Variants in LRRTM4 observed in about 807,000 individuals in gnomAD.
The protein encoded by LRRTM4 is leucine-rich repeat transmembrane neuronal protein 4.
A neutral mutation model predicts 47.6 loss-of-function variants in LRRTM4; 25 were observed. The ratio of observed to expected loss-of-function variants is 0.53; its 90% CI spans 0.38 to 0.73. LRRTM4 has a LOEUF of 0.73. LRRTM4 is among the 30% of genes least tolerant of loss of function. The probability of loss-of-function intolerance (pLI) is 0.00; values close to 1 mark genes in which losing one functional copy is unlikely to be tolerated. For synonymous variants in LRRTM4, 311 were observed against 269.5 expected, an observed-to-expected ratio of 1.15 and a Z score of -1.51; for missense variants, 638 against 713.4, an observed-to-expected ratio of 0.89 and a Z score of 1.20.
chr2:76,832,349 A>G (rs1671377773), intron 3 of LRRTM4, among the ~76,000 whole-genome samples: 1 of 151,926 alleles, frequency 6.6e-6, no homozygotes. Context: ...ACATACACAC[A>G]GACACATAAA....
At chr2:77,151,648 A>G (rs965027322) in intron 3 of LRRTM4, among the ~76,000 whole-genome samples, 5 of 152,218 alleles carry the variant, frequency 3.3e-5, no homozygotes, top group African/African-American at 9.6e-5. Context: ...CACAGAGAAC[A>G]TTAAACTAAA....
At chr2:77,093,632 G>A (rs182827279) in intron 3 of LRRTM4, among the ~76,000 whole-genome samples, 3,099 of 151,822 alleles carry the variant, frequency 0.02, 148 homozygotes, top group African/African-American at 0.071. Flanking sequence ...ACACTATTTT[G>A]TTTTATTTTT....
rs1325665356 is a variant in LRRTM4, at chr2:77,171,956, T to A, written c.1551+346362A>T. Among the ~76,000 whole-genome samples the A allele has an allele frequency of 5.9e-5, 9 of 152,276 alleles. No individual in the cohort carries two copies. In the East Asian group the frequency reaches 1.7e-3, roughly 30 times the overall value. On this transcript the variant is annotated intron_variant, in intron 3 of 3. Coordinates refer to ENST00000409884, the MANE Select transcript of LRRTM4 (RefSeq NM_001134745.3). Reference sequence around the variant, plus strand: ...CAGAGGAGTCACAGTTATACATGAATGAATCATATGTACTCACATAGTAGC... The same window carrying A: ...CAGAGGAGTCACAGTTATACATGAAAGAATCATATGTACTCACATAGTAGC...
chr2:77,419,216 C>T (rs1283911276), intron 3 of LRRTM4, among the ~76,000 whole-genome samples: 1 of 152,120 alleles, frequency 6.6e-6, no homozygotes, highest in Non-Finnish European at 1.5e-5. Flanking sequence ...ATTACAAACA[C>T]TTGAGGCCAA....
At chr2:76,839,265 T>C (rs1277691027) in intron 3 of LRRTM4, among the ~76,000 whole-genome samples, 2 of 152,098 alleles carry the variant, frequency 1.3e-5, no homozygotes, top group Non-Finnish European at 2.9e-5. Context: ...TGACAATTTC[T>C]GAAAGGGAAG....
intron 3 of LRRTM4, among the ~76,000 whole-genome samples, chr2:76,952,790 T>C (rs897888150): frequency 2.6e-5 from 4 of 151,326 alleles, no homozygotes; most frequent in African/African-American, 9.7e-5. Context: ...GGTACCAATC[T>C]CGATGTCCGC....
At chr2:77,091,057 C>A in intron 3 of LRRTM4, among the ~76,000 whole-genome samples, 1 of 152,222 alleles carries the variant, frequency 6.6e-6, no homozygotes, top group East Asian at 1.9e-4. Flanking sequence ...AACTCCCCAA[C>A]TCTGGTGCCA....
intron 3 of LRRTM4, among the ~76,000 whole-genome samples, chr2:76,888,138 G>A (rs1030305159): frequency 2.0e-5 from 3 of 150,224 alleles, no homozygotes; most frequent in African/African-American, 7.3e-5. Context: ...GTGTATATAT[G>A]TATTACCTAT....
intron 3 of LRRTM4, among the ~76,000 whole-genome samples, chr2:77,122,196 T>C (rs1364642726): frequency 6.6e-6 from 1 of 151,688 alleles, no homozygotes; most frequent in Non-Finnish European, 1.5e-5. Context: ...TGAGTAAAAT[T>C]ATTAAATTGA....
At chr2:77,467,192 T>A (rs1677014093) in intron 3 of LRRTM4, among the ~76,000 whole-genome samples, 1 of 152,120 alleles carries the variant, frequency 6.6e-6, no homozygotes, top group African/African-American at 2.4e-5. Flanking sequence ...ATGTGTCTCA[T>A]CCACAGCTCT....
intron 3 of LRRTM4, among the ~76,000 whole-genome samples, chr2:77,333,496 C>T (rs369199290): frequency 6.6e-6 from 1 of 152,146 alleles, no homozygotes; most frequent in Non-Finnish European, 1.5e-5. Context: ...TATGTTTTAG[C>T]AAAGAGACTG....
intron 3 of LRRTM4, among the ~76,000 whole-genome samples, chr2:77,139,319 C>T (rs542901893): frequency 6.6e-6 from 1 of 152,256 alleles, no homozygotes; most frequent in South Asian, 2.1e-4. Flanking sequence ...GCTGGTTCAA[C>T]ATACGAAAAT....
At chr2:77,233,476 CTT>C (rs1675021391) in intron 3 of LRRTM4, among the ~76,000 whole-genome samples, 1 of 151,978 alleles carries the variant, frequency 6.6e-6, no homozygotes, top group African/African-American at 2.4e-5. Context: ...TGGAATTACA[CTT>C]TTATGTATGT....
chr2:77,196,093 A>C (rs536449872), intron 3 of LRRTM4, among the ~76,000 whole-genome samples: 1 of 152,326 alleles, frequency 6.6e-6, no homozygotes, highest in African/African-American at 2.4e-5. Context: ...TTAGTACATT[A>C]GAAATAATGG....
intron 3 of LRRTM4, among the ~76,000 whole-genome samples, chr2:76,937,361 C>T (rs953993614): frequency 7.9e-5 from 12 of 152,114 alleles, no homozygotes; most frequent in Non-Finnish European, 1.5e-4. Flanking sequence ...TACTGGAAGG[C>T]AGGACTTTGA....
intron 3 of LRRTM4, among the ~76,000 whole-genome samples, chr2:76,896,046 T>C (rs1206812646): frequency 1.3e-5 from 2 of 152,072 alleles, no homozygotes; most frequent in Non-Finnish European, 2.9e-5. Context: ...GTCTATGTCC[T>C]TGGAAAAACA....
At chr2:76,984,434 A>C (rs1676724322) in intron 3 of LRRTM4, among the ~76,000 whole-genome samples, 1 of 151,998 alleles carries the variant, frequency 6.6e-6, no homozygotes, top group African/African-American at 2.4e-5. Context: ...TGCATGTTTT[A>C]GTTGTTCTAC....
In LRRTM4 at chr2:77,459,660, T is replaced by A. The variant is rs534690982; in HGVS notation, c.1551+58658A>T. ...TAATGTCAAGCCCAGGTGAAGCCCC[T>A]GTGAAATAACTTTCAGTAAAACAAG... On this transcript the variant is annotated intron_variant, in intron 3 of 3. Transcript: ENST00000409884. Among the ~76,000 whole-genome samples the A allele has an allele frequency of 8.0e-4, 121 of 151,974 alleles. 2 individuals carry two copies. In the South Asian group the frequency reaches 0.011, roughly 14 times the overall value.
intron 3 of LRRTM4, among the ~76,000 whole-genome samples, chr2:77,235,767 AG>A (rs1277077215): frequency 6.6e-6 from 1 of 152,154 alleles, no homozygotes; most frequent in East Asian, 1.9e-4. Flanking sequence ...TTTATTGACT[AG>A]GGAGTCCTTT....
Sources: allele counts gnomAD v4.1 joint callset (sites outside exome capture counted in the v4.1 genomes callset), GRCh38; gene constraint gnomAD v4.1.1; transcripts MANE v1.5; gene names NCBI Gene and HGNC (gene_info 2026-07-23, HGNC 2026-07-21).